Variants in DRG1 observed in about 807,000 individuals in gnomAD.
The protein encoded by DRG1 is developmentally-regulated GTP-binding protein 1.
A neutral mutation model predicts 38.8 loss-of-function variants in DRG1; 19 were observed. The ratio of observed to expected loss-of-function variants is 0.49; its 90% confidence interval spans 0.34 to 0.72. The LOEUF (loss-of-function observed/expected upper bound fraction) is 0.72, where lower values mean the gene tolerates loss of function less well. Among genes scored for constraint, DRG1 ranks in the 30% least tolerant of loss-of-function variants. The pLI is 0.01. For synonymous variants in DRG1, 167 were observed against 157.5 expected (o/e 1.06, Z -0.45); for missense variants, 299 against 444.8 (o/e 0.67, Z 2.95).
chr22:31,433,420 G>A (rs1046039802), intron 8 of DRG1, among the ~76,000 whole-genome samples: 2 of 151,882 alleles, frequency 1.3e-5, no homozygotes, highest in South Asian at 2.1e-4. Context: ...ACAGGCACCC[G>A]CCACCATGCC....
intron 6 of DRG1, among the ~76,000 whole-genome samples, chr22:31,424,488 C>CTTTTTTTTTTTTT (rs398036881): frequency 1.4e-5 from 1 of 71,396 alleles, no homozygotes; most frequent in Non-Finnish European, 2.4e-5. Flanking sequence ...GCTTTGGTTT[C>CTTTTTTTTTTTTT]TTTTTTTTTT....
At chr22:31,431,749 A>G (rs1013516469) in intron 8 of DRG1, among the ~76,000 whole-genome samples, 7 of 152,224 alleles carry the variant, frequency 4.6e-5, no homozygotes, top group African/African-American at 1.7e-4. Context: ...TGACCTTCAG[A>G]TCCTTACATA....
intron 3 of DRG1, among the ~76,000 whole-genome samples, chr22:31,409,629 G>C (rs1013069284): frequency 6.6e-6 from 1 of 152,158 alleles, no homozygotes; most frequent in East Asian, 1.9e-4. Flanking sequence ...TCAAGATTCA[G>C]CTGATACCTG....
At chr22:31,431,097 C>T (rs189536243) in intron 8 of DRG1, among the ~76,000 whole-genome samples, 3 of 126,696 alleles carry the variant, frequency 2.4e-5, no homozygotes, top group South Asian at 5.5e-4. Flanking sequence ...TGCAGTGGTG[C>T]GATCTCGGCT....
intron 8 of DRG1, among the ~76,000 whole-genome samples, chr22:31,428,041 G>A (rs1477115926): frequency 6.6e-6 from 1 of 151,918 alleles, no homozygotes; most frequent in Non-Finnish European, 1.5e-5. Flanking sequence ...TATTAGAGAC[G>A]AGGTCTTGCT....
At chr22:31,427,618 G>T (rs1055687673) in intron 8 of DRG1, among the ~76,000 whole-genome samples, 7 of 152,154 alleles carry the variant, frequency 4.6e-5, no homozygotes, top group Non-Finnish European at 8.8e-5. Flanking sequence ...CTTGGCTGGA[G>T]GGAGTGGTGA....
intron 6 of DRG1, among the ~76,000 whole-genome samples, chr22:31,424,803 C>CT: frequency 6.2e-5 from 1 of 16,206 alleles, no homozygotes; most frequent in Non-Finnish European, 1.3e-4. Context: ...GGCACCCGCC[C>CT]CCCCCCCCTT....
chr22:31,421,388 T>A (rs917843988), intron 5 of DRG1: 3 of 150,866 alleles, frequency 2.0e-5, no homozygotes, highest in African/African-American at 7.3e-5. Context: ...TCCCAAAGTG[T>A]TGGGATTACA....
Position 31,423,268 on chromosome 22 carries a change from A to G in DRG1, c.583-12A>G, listed in dbSNP as rs769703185. On this transcript the variant is annotated splice_polypyrimidine_tract_variant and intron_variant, in intron 5 of 8. Transcript: ENST00000331457. ...ATTTTGTGCTGACTAGTCATCTGCT[A>G]TTCCCTTTCAGTGCCCCCAGAGTGA... 1.2e-6 allele frequency: 2 copies of G among 1,613,680 alleles called. No homozygotes were observed. The highest frequency in any genetic ancestry group is 1.7e-6 in the Non-Finnish European group (2 of 1,179,988).
intron 6 of DRG1, among the ~76,000 whole-genome samples, chr22:31,424,554 A>G (rs1391926026): frequency 5.4e-5 from 7 of 128,862 alleles, no homozygotes; most frequent in Non-Finnish European, 1.1e-4. Flanking sequence ...GCTGGAGTAC[A>G]GTGGCGCGAT....
chr22:31,406,564 C>T (rs2049991120), intron 3 of DRG1, among the ~76,000 whole-genome samples: 2 of 151,802 alleles, frequency 1.3e-5, no homozygotes, highest in African/African-American at 2.4e-5. Context: ...AATACCAGCT[C>T]CTAGGGAGGT....
chr22:31,426,006 G>T (rs964353194), intron 6 of DRG1, among the ~76,000 whole-genome samples: 11 of 152,124 alleles, frequency 7.2e-5, no homozygotes, highest in Non-Finnish European at 1.3e-4. Flanking sequence ...TATGACATTG[G>T]TAGATGCTAT....
At chr22:31,411,689 CT>C (rs936881373) in intron 4 of DRG1, among the ~76,000 whole-genome samples, 43 of 151,336 alleles carry the variant, frequency 2.8e-4, no homozygotes, top group Non-Finnish European at 5.7e-4. Context: ...GTCACTATGC[CT>C]GGCTAATTTT....
At chr22:31,427,003 A>G in intron 7 of DRG1, 57 bp from the exon 8 acceptor site, 3 of 1,606,680 alleles carry the variant, frequency 1.9e-6, no homozygotes, top group Non-Finnish European at 2.6e-6. Flanking sequence ...GTTGCTATAC[A>G]TTCAACACAT....
chr22:31,422,384 T>C (rs762241834), intron 5 of DRG1, among the ~76,000 whole-genome samples: 7 of 151,746 alleles, frequency 4.6e-5, no homozygotes, highest in Non-Finnish European at 2.9e-5. Context: ...TGAGCTGAGA[T>C]CGCGCCACTG....
At chr22:31,412,352 C>CT (rs539328480) in intron 4 of DRG1, among the ~76,000 whole-genome samples, 13,695 of 127,228 alleles carry the variant, frequency 0.11, 848 homozygotes, top group Middle Eastern at 0.14. Flanking sequence ...TTCTTTCTTT[C>CT]TTTTTTTTTT....
chr22:31,432,869 A>AT (rs1295720507), intron 8 of DRG1, among the ~76,000 whole-genome samples: 2 of 151,844 alleles, frequency 1.3e-5, no homozygotes, highest in East Asian at 1.9e-4. Flanking sequence ...TGGAATATAG[A>AT]TTTTTTAAAG....
At chr22:31,423,446 T>G in intron 6 of DRG1, 36 bp downstream of exon 6, 1 of 1,612,132 alleles carries the variant, frequency 6.2e-7, no homozygotes, top group Non-Finnish European at 8.5e-7. Flanking sequence ...CCTGACTGAA[T>G]TGGAAGCCTT....
intron 4 of DRG1, among the ~76,000 whole-genome samples, chr22:31,411,516 T>A (rs1401556584): frequency 6.7e-6 from 1 of 150,356 alleles, no homozygotes; most frequent in Admixed American, 6.8e-5. Flanking sequence ...TACAGTTAAA[T>A]TTTTCTGTCT....
Sources: allele counts gnomAD v4.1 joint callset (sites outside exome capture counted in the v4.1 genomes callset), GRCh38; gene constraint gnomAD v4.1.1; transcripts MANE v1.5; gene names NCBI Gene and HGNC (gene_info 2026-07-23, HGNC 2026-07-21).